The following MARCHF8 variants were observed in gnomAD, a reference collection of about 807,000 sequenced individuals.
MARCHF8 encodes membrane associated ring-CH-type finger 8, also known as E3 ubiquitin-protein ligase MARCHF8.
In MARCHF8, 40 loss-of-function variants were observed where a neutral mutation model predicts 51.6. The ratio of observed to expected loss-of-function variants is 0.77; its 90% confidence interval spans 0.60 to 1.01. The LOEUF is 1.01. Among genes scored for constraint, MARCHF8 ranks in the 50% least tolerant of loss-of-function variants. MARCHF8 has a pLI of 0.00. For missense variants in MARCHF8, 685 were observed against 708.6 expected, an observed-to-expected ratio of 0.97 and a Z score of 0.38; for synonymous variants, 263 against 280.3, an observed-to-expected ratio of 0.94 and a Z score of 0.62.
intron 1 of MARCHF8, among the ~76,000 whole-genome samples, chr10:45,534,784 T>C (rs995028487): frequency 5.3e-5 from 8 of 152,120 alleles, no homozygotes; most frequent in Non-Finnish European, 1.2e-4. Flanking sequence ...AGCAGTCACT[T>C]ACTCTACCTC....
intron 3 of MARCHF8, among the ~76,000 whole-genome samples, chr10:45,484,701 A>G (rs1175324359): frequency 6.6e-6 from 1 of 152,214 alleles, no homozygotes; most frequent in Non-Finnish European, 1.5e-5. Context: ...GAACTGAAAG[A>G]GAAATGAGTT....
At chr10:45,488,459 C>G (rs2043023771) in intron 3 of MARCHF8, among the ~76,000 whole-genome samples, 1 of 152,032 alleles carries the variant, frequency 6.6e-6, no homozygotes, top group South Asian at 2.1e-4. Flanking sequence ...GCCTGGGTCC[C>G]TGGCAACATC....
At chr10:45,537,515 T>C (rs1354478471), upstream of MARCHF8, among the ~76,000 whole-genome samples, 1 of 151,850 alleles carries the variant, frequency 6.6e-6, no homozygotes, top group Non-Finnish European at 1.5e-5. Flanking sequence ...TAGCCGGGTG[T>C]GGTGGCTCAT....
Position 45,457,858 on chromosome 10 carries a change from A to T in MARCHF8, c.*381T>A. ...TAGACACTCCCCAATGCTCTGCTCC[A>T]GGCTGGGGACCACTGCAAGCTGGAG... On this transcript the variant is annotated 3_prime_UTR_variant, in exon 8 of 8. Transcript: ENST00000453424. 4.8e-6 allele frequency: 1 copy of T among 209,310 alleles called. No individual in the cohort carries two copies. Among genetic ancestry groups the T allele is most frequent in the Non-Finnish European group, 9.4e-6 (1 of 106,604 alleles). 13.0% of individuals were successfully genotyped at this position (209,310 alleles called of 1,614,324 possible). A position where few individuals can be genotyped will look rare whatever the true frequency, so the allele number is the denominator to read the frequency against.
chr10:45,585,595 G>A (rs533650000), intron 1 of MARCHF8, among the ~76,000 whole-genome samples: 1 of 152,140 alleles, frequency 6.6e-6, no homozygotes, highest in Non-Finnish European at 1.5e-5. Flanking sequence ...ACAAAATTCA[G>A]GGTAGCAGTT....
intron 3 of MARCHF8, among the ~76,000 whole-genome samples, chr10:45,483,354 A>T (rs1386396759): frequency 6.6e-6 from 1 of 152,258 alleles, no homozygotes; most frequent in Non-Finnish European, 1.5e-5. Flanking sequence ...TCAAAAAAAG[A>T]CATGTAAATG....
intron 2 of MARCHF8, among the ~76,000 whole-genome samples, chr10:45,499,562 GT>G (rs2043239631): frequency 6.6e-6 from 1 of 152,110 alleles, no homozygotes; most frequent in Admixed American, 6.5e-5. Flanking sequence ...GAATTTTATA[GT>G]TTTAAGTCTT....
intron 3 of MARCHF8, among the ~76,000 whole-genome samples, chr10:45,470,041 C>T (rs929467436): frequency 9.2e-5 from 14 of 152,084 alleles, no homozygotes; most frequent in African/African-American, 3.1e-4. Flanking sequence ...CCCAGAGGCT[C>T]TAGAAGCAAA....
intron 3 of MARCHF8, among the ~76,000 whole-genome samples, chr10:45,473,402 C>A (rs902376644): frequency 2.6e-5 from 4 of 152,234 alleles, no homozygotes; most frequent in African/African-American, 9.6e-5. Context: ...GGCTAGGGGG[C>A]TGGCAGAGAG....
chr10:45,516,293 A>T (rs940104964), intron 2 of MARCHF8, among the ~76,000 whole-genome samples: 2 of 152,194 alleles, frequency 1.3e-5, no homozygotes, highest in African/African-American at 4.8e-5. Context: ...TCACTAAAAC[A>T]GTGATCTCCA....
chr10:45,526,789 A>G (rs959968914), intron 2 of MARCHF8, among the ~76,000 whole-genome samples: 2 of 152,186 alleles, frequency 1.3e-5, no homozygotes, highest in African/African-American at 4.8e-5. Flanking sequence ...AGATGTTTAT[A>G]TAACAAGCTA....
chr10:45,531,260 AG>A (rs2043880020), intron 2 of MARCHF8, among the ~76,000 whole-genome samples: 1 of 152,200 alleles, frequency 6.6e-6, no homozygotes, highest in African/African-American at 2.4e-5. Context: ...CTGATCCACA[AG>A]CACAACTTCA....
chr10:45,548,781 G>A (rs537684221), intron 1 of MARCHF8, among the ~76,000 whole-genome samples: 4 of 151,982 alleles, frequency 2.6e-5, no homozygotes, highest in Non-Finnish European at 5.9e-5. Context: ...GATCGCCTGA[G>A]GTCAGGAGTT....
intron 1 of MARCHF8, among the ~76,000 whole-genome samples, chr10:45,548,570 C>A (rs952209715): frequency 1.3e-5 from 2 of 152,030 alleles, no homozygotes; most frequent in African/African-American, 4.8e-5. Context: ...TAATAGAATG[C>A]AAAAATACTG....
chr10:45,542,515 C>T (rs1009286440), intron 1 of MARCHF8, among the ~76,000 whole-genome samples: 6 of 151,912 alleles, frequency 3.9e-5, no homozygotes, highest in African/African-American at 1.5e-4. Context: ...TACTCCAAGC[C>T]TCGATGGGAG....
intron 3 of MARCHF8, among the ~76,000 whole-genome samples, chr10:45,486,001 T>TATC (rs2042972427): frequency 6.6e-6 from 1 of 152,206 alleles, no homozygotes; most frequent in Non-Finnish European, 1.5e-5. Context: ...CAAAAACAGT[T>TATC]ATCTTCCACA....
At chr10:45,558,024 AT>A (rs891233570) in intron 1 of MARCHF8, among the ~76,000 whole-genome samples, 1 of 152,228 alleles carries the variant, frequency 6.6e-6, no homozygotes, top group Non-Finnish European at 1.5e-5. Flanking sequence ...GTGACCAGTG[AT>A]CACTGATATT....
At chr10:45,498,309 A>ATC (rs890609303) in intron 2 of MARCHF8, among the ~76,000 whole-genome samples, 1 of 152,116 alleles carries the variant, frequency 6.6e-6, no homozygotes, top group Non-Finnish European at 1.5e-5. Context: ...AATTCCCTAT[A>ATC]TCTTCCTACC....
At chr10:45,510,828 A>G (rs925869527) in intron 2 of MARCHF8, among the ~76,000 whole-genome samples, 3 of 152,152 alleles carry the variant, frequency 2.0e-5, no homozygotes, top group Non-Finnish European at 4.4e-5. Context: ...TTTCTCCTCT[A>G]TAAAGTGGAC....
Sources: allele counts gnomAD v4.1 joint callset (sites outside exome capture counted in the v4.1 genomes callset), GRCh38; gene constraint gnomAD v4.1.1; transcripts MANE v1.5; gene names NCBI Gene and HGNC (gene_info 2026-07-23, HGNC 2026-07-21).